WIF1: variants seen among roughly 807,000 people sequenced by gnomAD.
WIF1 encodes the protein Wnt inhibitory factor 1.
WIF1 carries 35 observed loss-of-function variants against 53.5 expected under a neutral mutation model. The observed-to-expected ratio is 0.65, with a 90% CI of 0.50 to 0.87. The LOEUF is 0.87. Ranked by LOEUF, WIF1 falls within the 40% of genes least tolerant of loss-of-function variation. The pLI, the probability that WIF1 is intolerant of heterozygous loss-of-function variation, is 0.00. For missense variants in WIF1, 467 were observed against 476.8 expected, an observed-to-expected ratio of 0.98 and a Z score of 0.19; for synonymous variants, 171 against 170.4, an observed-to-expected ratio of 1.00 and a Z score of -0.03.
intron 2 of WIF1, among the ~76,000 whole-genome samples, chr12:65,108,480 T>A (rs961909509): frequency 6.6e-6 from 1 of 152,216 alleles, no homozygotes; most frequent in African/African-American, 2.4e-5. Context: ...TGGATCCCCA[T>A]GTGTTTGCAG....
intron 3 of WIF1, among the ~76,000 whole-genome samples, chr12:65,074,828 A>AAAG: frequency 1.4e-5 from 2 of 142,606 alleles, no homozygotes; most frequent in East Asian, 1.9e-4. Context: ...AAAAAAAAAA[A>AAAG]AAAAAAAAAA....
intron 2 of WIF1, among the ~76,000 whole-genome samples, chr12:65,094,170 GTACC>G (rs1203012320): frequency 2.6e-5 from 4 of 152,142 alleles, no homozygotes; most frequent in Admixed American, 6.6e-5. Context: ...CATGGGTGTA[GTACC>G]TAAAGGGGAG....
intron 2 of WIF1, among the ~76,000 whole-genome samples, chr12:65,118,520 A>C (rs1008759623): frequency 2.0e-5 from 3 of 152,210 alleles, no homozygotes; most frequent in Admixed American, 1.3e-4. Context: ...AACCTATTCA[A>C]AGCCGAATGA....
rs112665104 is a variant in WIF1, at chr12:65,104,729, C to T, written c.288+15688G>A. On this transcript the variant is annotated intron_variant, in intron 2 of 9. Transcript: ENST00000286574. ...TACTCCTCCTCCTTCCACCCCACCA[C>T]CTCTTCTTCTTGTTTAGTTCATAAT... Among the ~76,000 whole-genome samples the T allele has an allele frequency of 4.0e-3, 603 of 152,280 alleles. 6 individuals carry two copies. The highest frequency in any genetic ancestry group is 0.014 in the African/African-American group (581 of 41,566).
Position 65,121,222 on chromosome 12 carries a change from ACTC to A in WIF1, c.-34_-32del, listed in dbSNP as rs1388289099. 4.9e-6 allele frequency: 7 copies of A among 1,417,788 alleles called. No individual in the cohort carries two copies. The highest frequency in any genetic ancestry group is 2.6e-5 in the Admixed American group (1 of 38,156). 87.8% of individuals were successfully genotyped at this position (1,417,788 alleles called of 1,614,324 possible). ...TCAGGACCTCCTCGCTGCCGGGAAA[ACTC>A]CTCGTGCCGCACCTACGCAACCTGG... On this transcript the variant is annotated 5_prime_UTR_variant, in exon 1 of 10. Coordinates refer to ENST00000286574, the MANE Select transcript of WIF1 (RefSeq NM_007191.5).
intron 7 of WIF1, among the ~76,000 whole-genome samples, chr12:65,058,686 C>T (rs1175545759): frequency 6.6e-6 from 1 of 152,114 alleles, no homozygotes; most frequent in Non-Finnish European, 1.5e-5. Context: ...AAATAGTTTG[C>T]AACCAAATTC....
chr12:65,085,819 G>A (rs1306242403), intron 2 of WIF1, among the ~76,000 whole-genome samples: 1 of 152,196 alleles, frequency 6.6e-6, no homozygotes, highest in Non-Finnish European at 1.5e-5. Flanking sequence ...TGAGAGTTTT[G>A]TAAATTAAAA....
chr12:65,109,245 A>T (rs1406465144), intron 2 of WIF1, among the ~76,000 whole-genome samples: 1 of 152,110 alleles, frequency 6.6e-6, no homozygotes, highest in Non-Finnish European at 1.5e-5. Context: ...GTCTGCTGTT[A>T]CCTCCTTGGT....
rs575282456 is a variant in WIF1 at position 65,076,935 on chromosome 12, A to T, written c.397+811T>A. ...CATGACGCAAAACCAAATATATATT[A>T]TCACAAATATGTAAAAATTCAGAGA... is the stretch of plus-strand genomic sequence containing the variant. On this transcript the variant is annotated intron_variant, in intron 3 of 9. Coordinates refer to ENST00000286574, the MANE Select transcript of WIF1 (RefSeq NM_007191.5). Among the ~76,000 whole-genome samples the T allele has an allele frequency of 2.0e-5, 3 of 152,230 alleles. No individual in the cohort carries two copies. The South Asian group carries it at 6.2e-4, about 32-fold the overall frequency.
intron 2 of WIF1, among the ~76,000 whole-genome samples, chr12:65,118,310 C>T (rs1259701642): frequency 1.3e-5 from 2 of 152,128 alleles, no homozygotes; most frequent in Non-Finnish European, 2.9e-5. Context: ...AGTCATTTTT[C>T]CCATCTTCAG....
At chr12:65,065,303 G>A (rs1404086927) in intron 6 of WIF1, among the ~76,000 whole-genome samples, 1 of 152,084 alleles carries the variant, frequency 6.6e-6, no homozygotes, top group Non-Finnish European at 1.5e-5. Context: ...CCCAGGTTCA[G>A]AGTCACTCGT....
chr12:65,101,854 C>T (rs1485387752), intron 2 of WIF1, among the ~76,000 whole-genome samples: 2 of 152,170 alleles, frequency 1.3e-5, no homozygotes, highest in Non-Finnish European at 2.9e-5. Flanking sequence ...GAGTGGGACA[C>T]CATTCACTTA....
At chr12:65,067,839 T>C in intron 4 of WIF1, 49 bp from the exon 5 acceptor site, 1 of 1,538,554 alleles carries the variant, frequency 6.5e-7, no homozygotes, top group Non-Finnish European at 9.0e-7. Flanking sequence ...GAAATCATGT[T>C]GGGTGAATCA....
intron 2 of WIF1, among the ~76,000 whole-genome samples, chr12:65,108,535 C>T (rs1883383524): frequency 6.6e-6 from 1 of 152,172 alleles, no homozygotes; most frequent in Non-Finnish European, 1.5e-5. Context: ...TTCTTAGTTA[C>T]AACATCATTA....
At chr12:65,116,961 A>AAAAT (rs1883522018) in intron 2 of WIF1, among the ~76,000 whole-genome samples, 1 of 128,944 alleles carries the variant, frequency 7.8e-6, no homozygotes, top group Non-Finnish European at 1.6e-5. Context: ...AAAAAAAAAA[A>AAAAT]TTGTCTTCCG....
chr12:65,054,393 C>T (rs1450724073), intron 9 of WIF1, among the ~76,000 whole-genome samples: 1 of 152,130 alleles, frequency 6.6e-6, no homozygotes, highest in South Asian at 2.1e-4. Context: ...CCTTTTCTGT[C>T]TGTGCACTGG....
chr12:65,066,751 G>GAGT lies in WIF1; in HGVS notation c.635-16_635-15insACT, dbSNP rs1386390423. On this transcript the variant is annotated splice_polypyrimidine_tract_variant and intron_variant, in intron 5 of 9. Coordinates refer to ENST00000286574, the MANE Select transcript of WIF1 (RefSeq NM_007191.5). Reference sequence around the variant, plus strand: ...GGTACAAAGGGCTTATAGGGAGAGAGAACCCTGATTAAGGCCAAATGGTAT... The same window carrying GAGT: ...GGTACAAAGGGCTTATAGGGAGAGAGAGTAACCCTGATTAAGGCCAAATGGTAT... The GAGT allele has an allele frequency of 6.3e-7, 1 of 1,576,428 alleles. No homozygotes were observed. The highest frequency in any genetic ancestry group is 1.4e-5 in the African/African-American group (1 of 73,088).
At chr12:65,062,421 G>T in intron 7 of WIF1, 60 bp downstream of exon 7, 1 of 1,381,138 alleles carries the variant, frequency 7.2e-7, no homozygotes, top group East Asian at 2.4e-5. Flanking sequence ...AAAATGAAGG[G>T]GTTATATGGG....
chr12:65,094,940 ATTT>A lies in WIF1; in HGVS notation c.289-17089_289-17087del, dbSNP rs1883180715. Among the ~76,000 whole-genome samples, 4 of 136,146 alleles carry A rather than the reference ATTT, an allele frequency of 2.9e-5. No individual in the cohort carries two copies. In the South Asian group the frequency reaches 8.8e-4, roughly 30 times the overall value. 89.3% of individuals were successfully genotyped at this position (136,146 alleles called of 152,430 possible). A position where few individuals can be genotyped will look rare whatever the true frequency, so the allele number is the denominator to read the frequency against. On this transcript the variant is annotated intron_variant, in intron 2 of 9. Transcript: ENST00000286574. ...TATTTATTTATTTATTTATTTATTTATTTATTTATTTTGACAAGGTCTCTCTCT... is the reference window on the plus strand; with the variant it reads ...TATTTATTTATTTATTTATTTATTTAATTTATTTTGACAAGGTCTCTCTCT...
Sources: allele counts gnomAD v4.1 joint callset (sites outside exome capture counted in the v4.1 genomes callset), GRCh38; gene constraint gnomAD v4.1.1; transcripts MANE v1.5; gene names NCBI Gene and HGNC (gene_info 2026-07-23, HGNC 2026-07-21).